COQ10B: variants seen among roughly 807,000 people sequenced by gnomAD.
COQ10B encodes coenzyme Q10B.
In COQ10B, 12 loss-of-function variants were observed where a neutral mutation model predicts 27.6. The ratio of observed to expected loss-of-function variants is 0.43; its 90% CI spans 0.28 to 0.70. The LOEUF is 0.70. Ranked by LOEUF, COQ10B falls within the 30% of genes least tolerant of loss-of-function variation. The pLI, the probability that COQ10B is intolerant of heterozygous loss-of-function variation, is 0.17. For missense variants in COQ10B, 278 were observed against 288.7 expected, an observed-to-expected ratio of 0.96 and a Z score of 0.27; for synonymous variants, 115 against 103.0, an observed-to-expected ratio of 1.12 and a Z score of -0.71.
rs530250859 is a variant in COQ10B, at chr2:197,453,963, A to G, written c.104+299A>G. 826 of 1,550,574 alleles carry G rather than the reference A, an allele frequency of 5.3e-4. 4 individuals are homozygous for G. The highest frequency in any genetic ancestry group is 2.5e-3 in the Middle Eastern group (15 of 5,924). On this transcript the variant is annotated intron_variant, in intron 1 of 4. Transcript: ENST00000263960. ...TTGGGCTCTTCCGGTCTCCTCCCCT[A>G]TGGCTTGTTGCTACTGCTGTTGGAA... is the stretch of plus-strand genomic sequence containing the variant.
intron 1 of COQ10B, among the ~76,000 whole-genome samples, chr2:197,455,120 A>AT (rs1383488175): frequency 6.6e-6 from 1 of 151,758 alleles, no homozygotes; most frequent in Non-Finnish European, 1.5e-5. Context: ...GTGTAAGGGT[A>AT]TTTTTTTGGG....
rs58319806 is a variant in COQ10B at position 197,465,289 on chromosome 2, C to CT, written c.447+2571dup. Among the ~76,000 whole-genome samples, 942 of 143,016 alleles carry CT rather than the reference C, an allele frequency of 6.6e-3. 6 individuals are homozygous for CT. Among genetic ancestry groups the CT allele is most frequent in the African/African-American group, 0.018 (708 of 39,330 alleles). 93.8% of individuals were successfully genotyped at this position (143,016 alleles called of 152,430 possible). Reference sequence around the variant, plus strand: ...CTACCTTTCTTCTGTTCCCTGCCGCCTTTTTTTTTTTTTCCTTTGAGACAG... The same window carrying CT: ...CTACCTTTCTTCTGTTCCCTGCCGCCTTTTTTTTTTTTTTCCTTTGAGACAG... On this transcript the variant is annotated intron_variant, in intron 3 of 4. Transcript: ENST00000263960.
intron 3 of COQ10B, among the ~76,000 whole-genome samples, chr2:197,465,557 G>T (rs1277013334): frequency 6.6e-6 from 1 of 152,132 alleles, no homozygotes; most frequent in Non-Finnish European, 1.5e-5. Context: ...CTCCCAAAGT[G>T]CTGGGATTAC....
At chr2:197,460,673 A>T (rs2085748113) in intron 2 of COQ10B, among the ~76,000 whole-genome samples, 1 of 152,222 alleles carries the variant, frequency 6.6e-6, no homozygotes, top group South Asian at 2.1e-4. Flanking sequence ...TAGCTTCCTC[A>T]TGTATAGATA....
Position 197,470,164 on chromosome 2 carries a change from AT to A in COQ10B, c.547del (p.Ser183GlnfsTer23). ...LPGYPRTCTL[D>X]FSISFEFRSL... ...GGCTACCCAAGAACTTGTACCTTGG[AT>A]TTTTCAGTAAGTCTCATAAAGCCCT... On this transcript the variant is annotated frameshift_variant, in exon 4 of 5. Transcript: ENST00000263960. LOFTEE classifies it high-confidence loss of function. 1 of 1,596,254 alleles carries A rather than the reference AT, an allele frequency of 6.3e-7. No individual in the cohort carries two copies. Among genetic ancestry groups the A allele is most frequent in the Non-Finnish European group, 8.6e-7 (1 of 1,164,170 alleles).
At position 197,459,999 on chromosome 2, in the gene COQ10B, G is replaced by A; in HGVS notation, c.172G>A (p.Glu58Lys). Residue 58 changes from glutamate (E) to lysine (K), a missense_variant, in exon 2 of 5, where the codon GAG becomes AAG. Physicochemically the swap from Glu to Lys is moderately conservative, Grantham distance 56. This residue lies in a region of COQ10B where 183 missense variants were observed against 158.2 expected (regional missense o/e 1.16). Coordinates refer to ENST00000263960, the MANE Select transcript of COQ10B (RefSeq NM_025147.5). ...LPLHTSILPK[E>K]ICARTFFKIT... ...ACTACATACCTCAATTTTGCCTAAG[G>A]AGATATGTGCACGAACTTTCTTCAA... The A allele has an allele frequency of 6.2e-7, 1 of 1,611,484 alleles. No individual in the cohort carries two copies. Among genetic ancestry groups the A allele is most frequent in the Non-Finnish European group, 8.5e-7 (1 of 1,178,032 alleles).
intron 3 of COQ10B, among the ~76,000 whole-genome samples, chr2:197,467,635 C>G (rs1440420895): frequency 6.6e-6 from 1 of 152,128 alleles, no homozygotes; most frequent in Non-Finnish European, 1.5e-5. Flanking sequence ...CCTTGGCCTC[C>G]CAAAGTGCTG....
chr2:197,463,964 A>AAT (rs879356506), intron 3 of COQ10B, among the ~76,000 whole-genome samples: 121 of 28,154 alleles, frequency 4.3e-3, no homozygotes, highest in African/African-American at 0.011. Context: ...AAAAAAAAAA[A>AAT]ATATATATAT....
chr2:197,457,674 T>C (rs959753338), intron 1 of COQ10B, among the ~76,000 whole-genome samples: 2 of 151,548 alleles, frequency 1.3e-5, no homozygotes, highest in African/African-American at 4.9e-5. Flanking sequence ...CAGGCTGGAG[T>C]GCAATGGTGC....
At chr2:197,454,343 A>G in intron 1 of COQ10B, 1 of 435,806 alleles carries the variant, frequency 2.3e-6, no homozygotes, top group Non-Finnish European at 4.1e-6. Context: ...TAACATTGTA[A>G]TATTCTTGAA....
At chr2:197,463,980 TATATATATATATATATACAC>T (rs2085793410) in intron 3 of COQ10B, among the ~76,000 whole-genome samples, 2 of 80,184 alleles carry the variant, frequency 2.5e-5, no homozygotes, top group Non-Finnish European at 4.7e-5. Context: ...TATATATATA[TATATATATATATATATACAC>T]ACACACACAC....
At chr2:197,467,164 C>T (rs1322542974) in intron 3 of COQ10B, among the ~76,000 whole-genome samples, 1 of 152,088 alleles carries the variant, frequency 6.6e-6, no homozygotes, top group Non-Finnish European at 1.5e-5. Context: ...CCAGGCTGGT[C>T]TCAAACTCCT....
intron 1 of COQ10B, among the ~76,000 whole-genome samples, chr2:197,456,450 G>A (rs1236433257): frequency 8.8e-5 from 13 of 147,216 alleles, no homozygotes; most frequent in Non-Finnish European, 1.8e-4. Flanking sequence ...GCGGCAGAGC[G>A]AGACTCCATC....
intron 1 of COQ10B, among the ~76,000 whole-genome samples, chr2:197,455,231 C>CA (rs1455572518): frequency 1.3e-5 from 2 of 151,936 alleles, no homozygotes; most frequent in Non-Finnish European, 2.9e-5. Context: ...ACCAGATACC[C>CA]AATTCACCTC....
Position 197,474,568 on chromosome 2 carries a change from C to T in COQ10B, c.*644C>T, listed in dbSNP as rs2085929638. ...GGGCGTGGTGGCACACACCTGTAAT[C>T]CCAGTTACTTGGGAGGCTGAGGCAC... On this transcript the variant is annotated 3_prime_UTR_variant, in exon 5 of 5. Coordinates refer to ENST00000263960, the MANE Select transcript of COQ10B (RefSeq NM_025147.5). 6.6e-6 allele frequency: 1 copy of T among 152,202 alleles called. No homozygotes were observed. Among genetic ancestry groups the T allele is most frequent in the Admixed American group, 6.6e-5 (1 of 15,260 alleles). The allele number at this position is 152,202 out of a possible 1,614,324, so 9.4% of individuals were successfully genotyped here. A position where few individuals can be genotyped will look rare whatever the true frequency, so the allele number is the denominator to read the frequency against.
chr2:197,462,583 A>G lies in COQ10B; in HGVS notation c.299A>G (p.Asp100Gly). The change falls in exon 3 of 5, where the codon GAT becomes GGT. Residue 100 changes from aspartate (D) to glycine (G), a missense_variant. Asp to Gly is a moderately conservative substitution (Grantham distance 94). Around this residue, in one of 3 missense-constraint regions of COQ10B, gnomAD observed 183 missense variants for 158.2 expected, o/e 1.16. Coordinates refer to ENST00000263960, the MANE Select transcript of COQ10B (RefSeq NM_025147.5). The part of the protein sequence containing the change: ...EMYDVVSGVE[D>G]YKHFVPWCKK... ...TATGATGTAGTATCGGGAGTGGAGG[A>G]TTACAAGCATTTTGTTCCTTGGTGC... The G allele has an allele frequency of 2.5e-6, 4 of 1,595,038 alleles. No homozygotes were observed. The highest frequency in any genetic ancestry group is 3.4e-6 in the Non-Finnish European group (4 of 1,167,034).
Position 197,472,262 on chromosome 2 carries a change from G to A in COQ10B, c.550-1495G>A, listed in dbSNP as rs561996939. On this transcript the variant is annotated intron_variant, in intron 4 of 4. Coordinates refer to ENST00000263960, the MANE Select transcript of COQ10B (RefSeq NM_025147.5). ...TCTTGAATTCTATATGGAACAATGA[G>A]AGGGTATAAATAAAGTTCTGAAAGG... 3.9e-5 allele frequency among the ~76,000 whole-genome samples: 6 copies of A among 152,146 alleles called. No individual in the cohort carries two copies. The South Asian group carries it at 1.0e-3, about 26-fold the overall frequency.
intron 2 of COQ10B, 54 bp from the exon 3 acceptor site, chr2:197,462,485 A>G (rs1300538634): frequency 3.4e-6 from 3 of 884,792 alleles, no homozygotes; most frequent in South Asian, 3.2e-5. Context: ...AAGTATGCAT[A>G]TATTATATAA....
At chr2:197,458,901 T>C (rs1218348143) in intron 1 of COQ10B, among the ~76,000 whole-genome samples, 4 of 152,098 alleles carry the variant, frequency 2.6e-5, no homozygotes, top group African/African-American at 9.7e-5. Flanking sequence ...AGGCTGGTCT[T>C]GAATTCCTGA....
Sources: gnomAD v4.1 joint callset for allele counts (sites outside exome capture counted in the v4.1 genomes callset) on GRCh38, gnomAD v4.1.1 for gene constraint, gnomAD v4.1.1 regional missense constraint, MANE v1.5 for transcripts, NCBI Gene and HGNC (gene_info 2026-07-23, HGNC 2026-07-21) for gene names.